Variants in ZFYVE28 observed in about 807,000 individuals in gnomAD.
The protein encoded by ZFYVE28 is lateral signaling target protein 2 homolog.
Under a neutral mutation model 82.1 loss-of-function variants are expected in ZFYVE28, and 40 were observed. The ratio of observed to expected loss-of-function variants is 0.49; its 90% CI spans 0.38 to 0.63. The LOEUF is 0.63. Ranked by LOEUF, ZFYVE28 falls within the 30% of genes least tolerant of loss-of-function variation. The pLI is 0.00. For synonymous variants in ZFYVE28, 612 were observed against 546.1 expected, an observed-to-expected ratio of 1.12 and a Z score of -1.68; for missense variants, 1,321 against 1,242.1, an observed-to-expected ratio of 1.06 and a Z score of -0.96.
intron 1 of ZFYVE28, among the ~76,000 whole-genome samples, chr4:2,381,096 C>T (rs994808697): frequency 6.6e-5 from 10 of 152,170 alleles, no homozygotes; most frequent in Non-Finnish European, 8.8e-5. Flanking sequence ...ATGGCTTTGA[C>T]CAGATGCCTG....
intron 8 of ZFYVE28, among the ~76,000 whole-genome samples, chr4:2,299,310 C>T (rs1715131274): frequency 6.6e-6 from 1 of 152,002 alleles, no homozygotes; most frequent in African/African-American, 2.4e-5. Flanking sequence ...CGTTTTTCCC[C>T]CTCAAGTTGG....
Position 2,377,642 on chromosome 4 carries a change from C to T in ZFYVE28, c.40-23569G>A, listed in dbSNP as rs184682905. 4.8e-4 allele frequency among the ~76,000 whole-genome samples: 73 copies of T among 152,308 alleles called. No individual in the cohort carries two copies. The East Asian group carries it at 0.013, about 28-fold the overall frequency. ...CACTGTGGGCTCATTCTCTATCTTG[C>T]GGCACTTGGGGTTGCTGAGAAGAAA... On this transcript the variant is annotated intron_variant, in intron 1 of 12. Transcript: ENST00000290974.
chr4:2,339,849 C>A lies in ZFYVE28; in HGVS notation c.319-194G>T, dbSNP rs1454802865. On this transcript the variant is annotated intron_variant, in intron 3 of 12. Coordinates refer to ENST00000290974, the MANE Select transcript of ZFYVE28 (RefSeq NM_020972.3). This position sits in a 1 kb window ranked among gnomAD's most constrained non-coding sequence, Gnocchi z 5.0. ...ATCGTGAGGGCGATAACCGATGTCC[C>A]CCAATGTGACCCACGGGGTCCTCAC... 1.3e-5 allele frequency among the ~76,000 whole-genome samples: 2 copies of A among 151,816 alleles called. No homozygotes were observed. Among genetic ancestry groups the A allele is most frequent in the African/African-American group, 4.8e-5 (2 of 41,320 alleles).
At chr4:2,318,365 C>T (rs1718533682) in intron 7 of ZFYVE28, among the ~76,000 whole-genome samples, 1 of 152,170 alleles carries the variant, frequency 6.6e-6, no homozygotes, top group Non-Finnish European at 1.5e-5. Context: ...CAAGACCAGC[C>T]TGACCAGCAT....
At position 2,335,589 on chromosome 4, in the gene ZFYVE28, G is replaced by A. The variant is rs1357944735; in HGVS notation, c.701+116C>T. 2.1e-6 allele frequency: 2 copies of A among 943,992 alleles called. No homozygotes were observed. The highest frequency in any genetic ancestry group is 1.6e-6 in the Non-Finnish European group (1 of 618,966). 58.5% of individuals were successfully genotyped at this position (943,992 alleles called of 1,614,324 possible). ...CTGCCTGTCACTGATCGGGACAGCTGAGCGGCCACCGTGAGGTGGAGACGC... is the reference window on the plus strand; with the variant it reads ...CTGCCTGTCACTGATCGGGACAGCTAAGCGGCCACCGTGAGGTGGAGACGC... On this transcript the variant is annotated intron_variant, in intron 6 of 12. Transcript: ENST00000290974. This position sits in a 1 kb window ranked among gnomAD's most constrained non-coding sequence, Gnocchi z 5.8.
At position 2,303,500 on chromosome 4, in the gene ZFYVE28, A is replaced by G. The variant is rs146971992; in HGVS notation, c.2051+789T>C. Among the ~76,000 whole-genome samples, 20 of 152,250 alleles carry G rather than the reference A, an allele frequency of 1.3e-4. 2 individuals are homozygous for G. Among genetic ancestry groups the G allele is most frequent in the African/African-American group, 4.8e-4 (20 of 41,550 alleles). The stretch of plus-strand genomic sequence containing the variant: ...CTCTCTTCCAGTTAGCGAGGCCTAT[A>G]GACACGGCCACAGCCAGAGTGGGAG... On this transcript the variant is annotated intron_variant, in intron 8 of 12. Transcript: ENST00000290974.
chr4:2,414,052 T>G lies in ZFYVE28; in HGVS notation c.39+4233A>C, dbSNP rs566682390. 2.5e-3 allele frequency among the ~76,000 whole-genome samples: 387 copies of G among 152,300 alleles called. 5 individuals carry two copies. The highest frequency in any genetic ancestry group is 4.0e-3 in the Non-Finnish European group (272 of 68,022). On this transcript the variant is annotated intron_variant, in intron 1 of 12. Coordinates refer to ENST00000290974, the MANE Select transcript of ZFYVE28 (RefSeq NM_020972.3). ...ATCCAGACCTTGCCCCACCCCCCAC[T>G]CTGGGGCCCGCCCCCATCTGCCACT...
intron 1 of ZFYVE28, among the ~76,000 whole-genome samples, chr4:2,355,698 C>T (rs1725212396): frequency 6.6e-6 from 1 of 152,168 alleles, no homozygotes; most frequent in Non-Finnish European, 1.5e-5. Context: ...CTGCCTCAGC[C>T]TCCCAAGTAG....
At chr4:2,355,616 T>C (rs1449997568) in intron 1 of ZFYVE28, among the ~76,000 whole-genome samples, 16 of 143,016 alleles carry the variant, frequency 1.1e-4, no homozygotes, top group South Asian at 2.2e-4. Flanking sequence ...CTCACTCTGT[T>C]GCCCAGGCTG....
chr4:2,276,155 A>T (rs1413867261), intron 8 of ZFYVE28, among the ~76,000 whole-genome samples: 1 of 152,162 alleles, frequency 6.6e-6, no homozygotes, highest in African/African-American at 2.4e-5. Context: ...GCGGGGGAGG[A>T]GGCTGGAAGC....
chr4:2,404,905 G>A (rs550100870), intron 1 of ZFYVE28, among the ~76,000 whole-genome samples: 1 of 110,566 alleles, frequency 9.0e-6, no homozygotes, highest in Admixed American at 1.3e-4. Flanking sequence ...TGTCACCCTT[G>A]CCCAGGCTGG....
intron 1 of ZFYVE28, among the ~76,000 whole-genome samples, chr4:2,388,395 CA>C (rs1246187691): frequency 6.6e-6 from 1 of 152,164 alleles, no homozygotes; most frequent in Non-Finnish European, 1.5e-5. Flanking sequence ...CATGGACTAT[CA>C]ACAGCACAAC....
rs956990963 is a variant in ZFYVE28 at position 2,332,127 on chromosome 4, C to T, written c.701+3578G>A. ...GGACTGGGGCTCTCGGGCAGCAGCA[C>T]AGTCACGGGCAGGAGCCACAGAGGA... On this transcript the variant is annotated intron_variant, in intron 6 of 12. Coordinates refer to ENST00000290974, the MANE Select transcript of ZFYVE28 (RefSeq NM_020972.3). This position sits in a 1 kb window ranked among gnomAD's most constrained non-coding sequence, Gnocchi z 4.7. 2.6e-5 allele frequency among the ~76,000 whole-genome samples: 4 copies of T among 152,174 alleles called. No individual in the cohort carries two copies. The highest frequency in any genetic ancestry group is 5.9e-5 in the Non-Finnish European group (4 of 68,022).
At chr4:2,275,314 C>T (rs1736316582) in intron 8 of ZFYVE28, among the ~76,000 whole-genome samples, 1 of 152,208 alleles carries the variant, frequency 6.6e-6, no homozygotes. Flanking sequence ...GTTCACCTCG[C>T]CCAACTCTAG....
intron 1 of ZFYVE28, among the ~76,000 whole-genome samples, chr4:2,381,864 A>G (rs1283645553): frequency 2.6e-5 from 4 of 152,230 alleles, no homozygotes; most frequent in African/African-American, 9.6e-5. Context: ...AGCCCCTCCT[A>G]CCACAAGCCC....
In ZFYVE28 at chr4:2,305,020, C is replaced by T. The variant is rs764032902; in HGVS notation, c.1320G>A (p.Gly440=). The T allele has an allele frequency of 3.1e-6, 5 of 1,612,626 alleles. No homozygotes were observed. The highest frequency in any genetic ancestry group is 1.7e-5 in the Admixed American group (1 of 60,004). The change falls in exon 8 of 13, where the codon GGG becomes GGA. Residue 440 remains glycine, a synonymous_variant. Transcript: ENST00000290974. ...WADPQEKGQG[G]PGGAAGISLP... ...AGCTGATCCCCGCCGCTCCGCCTGG[C>T]CCACCCTGCCCTTTCTCCTGGGGGT...
At chr4:2,274,552 C>A (rs554873611) in intron 8 of ZFYVE28, among the ~76,000 whole-genome samples, 1 of 152,106 alleles carries the variant, frequency 6.6e-6, no homozygotes. Context: ...ATGGAAGCGT[C>A]AACTCACCTT....
intron 1 of ZFYVE28, among the ~76,000 whole-genome samples, chr4:2,370,573 C>T (rs1340373083): frequency 6.6e-6 from 1 of 152,192 alleles, no homozygotes; most frequent in Non-Finnish European, 1.5e-5. Flanking sequence ...CAGAGGTAGC[C>T]CTGGACCCAA....
At chr4:2,414,711 T>G (rs1732858821) in intron 1 of ZFYVE28, among the ~76,000 whole-genome samples, 1 of 152,200 alleles carries the variant, frequency 6.6e-6, no homozygotes, top group South Asian at 2.1e-4. Context: ...CCAGGAAATC[T>G]CTCCCAGGTC....
Sources: allele counts gnomAD v4.1 joint callset (sites outside exome capture counted in the v4.1 genomes callset), GRCh38; gene constraint gnomAD v4.1.1; non-coding constraint Gnocchi (gnomAD v3.1); transcripts MANE v1.5; gene names NCBI Gene and HGNC (gene_info 2026-07-23, HGNC 2026-07-21).